PNMA8B: variants seen among roughly 807,000 people sequenced by gnomAD.
The protein encoded by PNMA8B is paraneoplastic antigen-like protein 8B.
For missense variants in PNMA8B, 887 were observed against 885.8 expected (o/e 1.00, Z -0.02); for synonymous variants, 386 against 394.9 (o/e 0.98, Z 0.27).
Position 46,491,512 on chromosome 19 carries a change from C to T in PNMA8B, c.*2046G>A, listed in dbSNP as rs7245589. ...GAGGCTGGGGGGAGAGTGCCTGCAGCTGTGGCCTGGCAGAGTGTATCTGGG... is the reference window on the plus strand; with the variant it reads ...GAGGCTGGGGGGAGAGTGCCTGCAGTTGTGGCCTGGCAGAGTGTATCTGGG... On this transcript the variant is annotated 3_prime_UTR_variant, in exon 1 of 1. Coordinates refer to ENST00000599531, the MANE Select transcript of PNMA8B (RefSeq NM_020709.3). The T allele has an allele frequency of 2.8e-3, 421 of 151,362 alleles. 2 individuals are homozygous for T. Among genetic ancestry groups the T allele is most frequent in the Middle Eastern group, 0.017 (5 of 298 alleles). The allele number at this position is 151,362 out of a possible 1,614,324, so 9.4% of individuals were successfully genotyped here.
chr19:46,494,407 G>T lies in PNMA8B; in HGVS notation c.1059C>A (p.Ile353=), dbSNP rs778803295. 6.2e-7 allele frequency: 1 copy of T among 1,613,578 alleles called. No homozygotes were observed. Among genetic ancestry groups the T allele is most frequent in the African/African-American group, 1.3e-5 (1 of 74,952 alleles). ...DPWAREEMLK[I]ASVIESLGWS... is the part of the protein sequence containing the mutation. ...AGCCCAGCGACTCGATAACAGAAGC[G>T]ATTTTCAACATCTCCTCCCGGGCCC... is the stretch of plus-strand genomic sequence containing the variant. Residue 353 remains isoleucine (I), a synonymous_variant, in exon 1 of 1, where the codon ATC becomes ATA. Transcript: ENST00000599531.
rs771309880 is a variant in PNMA8B at position 46,493,602 on chromosome 19, T to G, written c.1864A>C (p.Lys622Gln). Residue 622 changes from lysine (K) to glutamine (Q), a missense_variant, in exon 1 of 1, where the codon AAG becomes CAG. Physicochemically the swap from Lys to Gln is moderately conservative, Grantham distance 53 (BLOSUM62 1). Coordinates refer to ENST00000599531, the MANE Select transcript of PNMA8B (RefSeq NM_020709.3). This position sits in a 1 kb window ranked among gnomAD's most constrained non-coding sequence, Gnocchi z 5.3. ...APTGSKAARG[K>Q]KARRGRRLPP... Reference sequence around the variant, plus strand: ...AGCCTCCGGCCCCGACGGGCCTTCTTCCCGCGCGCGGCCTTGGATCCAGTG... The same window carrying G: ...AGCCTCCGGCCCCGACGGGCCTTCTGCCCGCGCGCGGCCTTGGATCCAGTG... 6.7e-7 allele frequency: 1 copy of G among 1,491,022 alleles called. No individual in the cohort carries two copies. The highest frequency in any genetic ancestry group is 8.8e-7 in the Non-Finnish European group (1 of 1,131,410). The allele number at this position is 1,491,022 out of a possible 1,614,324, so 92.4% of individuals were successfully genotyped here. A position where few individuals can be genotyped will look rare whatever the true frequency, so the allele number is the denominator to read the frequency against.
chr19:46,492,354 G>T lies in PNMA8B; in HGVS notation c.*1204C>A, dbSNP rs973082391. On this transcript the variant is annotated 3_prime_UTR_variant, in exon 1 of 1. Coordinates refer to ENST00000599531, the MANE Select transcript of PNMA8B (RefSeq NM_020709.3). ...TTGCAGGAGCTGAAGCATACGGCAC[G>T]GCACGGCACAGACTCACATACAACT... is the stretch of plus-strand genomic sequence containing the variant. 7.4e-6 allele frequency: 2 copies of T among 271,102 alleles called. No individual in the cohort carries two copies. The highest frequency in any genetic ancestry group is 4.6e-5 in the Admixed American group (1 of 21,550). 16.8% of individuals were successfully genotyped at this position (271,102 alleles called of 1,614,324 possible). A position where few individuals can be genotyped will look rare whatever the true frequency, so the allele number is the denominator to read the frequency against.
rs1386314179 is a variant in PNMA8B, at chr19:46,492,107, G to A, written c.*1451C>T. On this transcript the variant is annotated 3_prime_UTR_variant, in exon 1 of 1. Coordinates refer to ENST00000599531, the MANE Select transcript of PNMA8B (RefSeq NM_020709.3). ...CTACATCTGGGTGTCCCTGACATAG[G>A]ACTGGGACAGTCTGGTCTGGACTGT... 2.4e-6 allele frequency: 1 copy of A among 422,828 alleles called. No individual in the cohort carries two copies. Among genetic ancestry groups the A allele is most frequent in the South Asian group, 1.7e-5 (1 of 60,082 alleles). 26.2% of individuals were successfully genotyped at this position (422,828 alleles called of 1,614,324 possible).
chr19:46,495,673 G>C lies in PNMA8B; in HGVS notation c.-208C>G, dbSNP rs1970084897. On this transcript the variant is annotated 5_prime_UTR_variant, in exon 1 of 1. Coordinates refer to ENST00000599531, the MANE Select transcript of PNMA8B (RefSeq NM_020709.3). The stretch of plus-strand genomic sequence containing the variant: ...GCTGGACGCAGTGACCTTCCCCCGG[G>C]ACCCCTCTCCAGAGCTGTCTGAGGA... 1.6e-6 allele frequency: 1 copy of C among 620,394 alleles called. No individual in the cohort carries two copies. The highest frequency in any genetic ancestry group is 1.8e-5 in the African/African-American group (1 of 54,226). The allele number at this position is 620,394 out of a possible 1,614,324, so 38.4% of individuals were successfully genotyped here.
chr19:46,495,074 G>A lies in PNMA8B; in HGVS notation c.392C>T (p.Pro131Leu). 1 of 1,612,500 alleles carries A rather than the reference G, an allele frequency of 6.2e-7. No individual in the cohort carries two copies. Among genetic ancestry groups the A allele is most frequent in the Non-Finnish European group, 8.5e-7 (1 of 1,179,802 alleles). The stretch of plus-strand genomic sequence containing the variant: ...ATCCTGGGCCTGCGTCTCCGAAGCG[G>A]GAGGGGTGGGTGCCTCCCCGGGGGT... ...AGTPGEAPTP[P>L]ASETQAQDSG... Residue 131 changes from proline to leucine, a missense_variant, in exon 1 of 1, where the codon CCC (proline) becomes CTC (leucine). Physicochemically the swap from Pro to Leu is moderately conservative, Grantham distance 98 (BLOSUM62 -3). Transcript: ENST00000599531.
chr19:46,494,913 GTCC>G lies in PNMA8B; in HGVS notation c.550_552del (p.Gly184del). On this transcript the variant is annotated inframe_deletion, in exon 1 of 1. Transcript: ENST00000599531. ...TCACTCCTCGCGGGAGCAGACGGCC[GTCC>G]TCCTCGGCTTCTCTTCTTGCCCTTC... 1 of 1,611,458 alleles carries G rather than the reference GTCC, an allele frequency of 6.2e-7. No homozygotes were observed. Among genetic ancestry groups the G allele is most frequent in the Non-Finnish European group, 8.5e-7 (1 of 1,179,884 alleles).
chr19:46,495,056 G>T lies in PNMA8B; in HGVS notation c.410C>A (p.Ala137Asp), dbSNP rs975093022. The part of the protein sequence containing the change: ...APTPPASETQ[A>D]QDSGEVTGQA... The stretch of plus-strand genomic sequence containing the variant: ...CCCTGTTACCTCCCCAGAATCCTGG[G>T]CCTGCGTCTCCGAAGCGGGAGGGGT... The change falls in exon 1 of 1, where the codon GCC (alanine) becomes GAC (aspartate). Residue 137 changes from alanine to aspartate, a missense_variant. Ala to Asp is a moderately radical substitution (Grantham distance 126). Coordinates refer to ENST00000599531, the MANE Select transcript of PNMA8B (RefSeq NM_020709.3). 3.1e-6 allele frequency: 5 copies of T among 1,611,414 alleles called. No homozygotes were observed. Among genetic ancestry groups the T allele is most frequent in the Non-Finnish European group, 3.4e-6 (4 of 1,179,810 alleles).
Position 46,494,495 on chromosome 19 carries a change from G to A in PNMA8B, c.971C>T (p.Thr324Ile). The A allele has an allele frequency of 6.2e-7, 1 of 1,614,052 alleles. No homozygotes were observed. Residue 324 changes from threonine (T) to isoleucine (I), a missense_variant, in exon 1 of 1, where the codon ACA (threonine) becomes ATA (isoleucine). By Grantham distance (89) the Thr-to-Ile change is moderately conservative. Transcript: ENST00000599531. ...SDSQESGDQE[T>I]EELDNPEFVA... ...GAACTCAGGATTATCCAACTCCTCTGTTTCTTGGTCCCCACTTTCCTGCGA... is the reference window on the plus strand; with the variant it reads ...GAACTCAGGATTATCCAACTCCTCTATTTCTTGGTCCCCACTTTCCTGCGA...
Position 46,494,352 on chromosome 19 carries a change from G to A in PNMA8B, c.1114C>T (p.Leu372Phe). 6.2e-7 allele frequency: 1 copy of A among 1,613,242 alleles called. No homozygotes were observed. Among genetic ancestry groups the A allele is most frequent in the Non-Finnish European group, 8.5e-7 (1 of 1,179,902 alleles). ...GACATGACGGACAAGACCTGTCGGAGGGGGTCTCGCTTGTCTTTCTCGTCG... is the reference window on the plus strand; with the variant it reads ...GACATGACGGACAAGACCTGTCGGAAGGGGTCTCGCTTGTCTTTCTCGTCG... The part of the protein sequence containing the change: ...WSDEKDKRDP[L>F]RQVLSVMSKD... The change falls in exon 1 of 1, where the codon CTC (leucine) becomes TTC (phenylalanine). Residue 372 changes from leucine (L) to phenylalanine (F), a missense_variant. Transcript: ENST00000599531.
rs187904708 is a variant in PNMA8B at position 46,493,903 on chromosome 19, C to T, written c.1563G>A (p.Glu521=). The change falls in exon 1 of 1, where the codon GAG becomes GAA. Residue 521 remains glutamate, a synonymous_variant. Coordinates refer to ENST00000599531, the MANE Select transcript of PNMA8B (RefSeq NM_020709.3). This position sits in a 1 kb window ranked among gnomAD's most constrained non-coding sequence, Gnocchi z 5.3. ...ATGCCCTGTCCTCCGGCTCCGACGC[C>T]TCGCTCTCGGTGTCCTCCGACTCCT... ...SEEESEDTES[E]ASEPEDRASR... 0.012 allele frequency: 18,408 copies of T among 1,569,834 alleles called. 125 individuals carry two copies. The highest frequency in any genetic ancestry group is 0.014 in the Non-Finnish European group (16,406 of 1,158,166).
At position 46,493,954 on chromosome 19, in the gene PNMA8B, CTCCGACCCCTCGTTGGACCCCATG is replaced by C. The variant is rs1970048118; in HGVS notation, c.1488_1511del (p.Asn496_Glu504delinsLys). On this transcript the variant is annotated inframe_deletion, in exon 1 of 1. Coordinates refer to ENST00000599531, the MANE Select transcript of PNMA8B (RefSeq NM_020709.3). The surrounding 1 kb of genome is among the most constrained non-coding windows in gnomAD (Gnocchi z 5.3). ...CCTCGGACTGTTCGTCCGAAGCCTC[CTCCGACCCCTCGTTGGACCCCATG>C]TTCTCCCGGGCGGCCAGGAGCGCCA... is the stretch of plus-strand genomic sequence containing the variant. 6.2e-7 allele frequency: 1 copy of C among 1,612,512 alleles called. No homozygotes were observed. Among genetic ancestry groups the C allele is most frequent in the African/African-American group, 1.3e-5 (1 of 75,010 alleles).
At position 46,495,275 on chromosome 19, in the gene PNMA8B, G is replaced by A. The variant is rs753995906; in HGVS notation, c.191C>T (p.Ala64Val). Residue 64 changes from alanine to valine, a missense_variant, in exon 1 of 1, where the codon GCC becomes GTC. Ala to Val is a moderately conservative substitution (Grantham distance 64). Transcript: ENST00000599531. ...GTCCTCCACAAACTCCACCAGGGCG[G>A]CCTGGGCCTTCTCGTTCATCAAAGC... ...MKALMNEKAQ[A>V]ALVEFVEDVN... 2.6e-6 allele frequency: 4 copies of A among 1,512,778 alleles called. No homozygotes were observed. In the Admixed American group the frequency reaches 6.7e-5, roughly 25 times the overall value. 93.7% of individuals were successfully genotyped at this position (1,512,778 alleles called of 1,614,324 possible). A position where few individuals can be genotyped will look rare whatever the true frequency, so the allele number is the denominator to read the frequency against.
In PNMA8B at chr19:46,494,836, G is replaced by C. The variant is rs139093853; in HGVS notation, c.630C>G (p.Asp210Glu). Reference protein sequence around the residue: ...ESLGIVIEEIDQGDLSGEEDQ... With the variant: ...ESLGIVIEEIEQGDLSGEEDQ... ...CCTCTTCTCCGCTCAGGTCGCCCTG[G>C]TCGATCTCCTCGATCACGATGCCCA... Residue 210 changes from aspartate (D) to glutamate (E), a missense_variant, in exon 1 of 1, where the codon GAC (aspartate) becomes GAG (glutamate). Coordinates refer to ENST00000599531, the MANE Select transcript of PNMA8B (RefSeq NM_020709.3). 6.8e-6 allele frequency: 11 copies of C among 1,613,304 alleles called. No individual in the cohort carries two copies. The East Asian group carries it at 8.9e-5, about 13-fold the overall frequency.
At position 46,494,373 on chromosome 19, in the gene PNMA8B, C is replaced by T. The variant is rs766494906; in HGVS notation, c.1093G>A (p.Glu365Lys). The T allele has an allele frequency of 7.4e-6, 12 of 1,613,232 alleles. No homozygotes were observed. The South Asian group carries it at 1.2e-4, about 16-fold the overall frequency. ...CGGAGGGGGTCTCGCTTGTCTTTCTCGTCGCTCCAGCCCAGCGACTCGATA... is the reference window on the plus strand; with the variant it reads ...CGGAGGGGGTCTCGCTTGTCTTTCTTGTCGCTCCAGCCCAGCGACTCGATA... ...SVIESLGWSDEKDKRDPLRQV... is the reference protein window; with the variant it reads ...SVIESLGWSDKKDKRDPLRQV... The change falls in exon 1 of 1, where the codon GAG (glutamate) becomes AAG (lysine). Residue 365 changes from glutamate to lysine, a missense_variant. Coordinates refer to ENST00000599531, the MANE Select transcript of PNMA8B (RefSeq NM_020709.3).
rs765934844 is a variant in PNMA8B at position 46,494,149 on chromosome 19, G to A, written c.1317C>T (p.Ser439=). Residue 439 remains serine, a synonymous_variant, in exon 1 of 1, where the codon AGC becomes AGT. Coordinates refer to ENST00000599531, the MANE Select transcript of PNMA8B (RefSeq NM_020709.3). ...KAGRGLFGGW[S]EHREDEGGLL... The stretch of plus-strand genomic sequence containing the variant: ...GACCCCCTTCGTCCTCACGGTGCTC[G>A]CTCCAGCCCCCGAAGAGGCCACGCC... 1.2e-6 allele frequency: 2 copies of A among 1,610,804 alleles called. No homozygotes were observed. Among genetic ancestry groups the A allele is most frequent in the East Asian group, 2.2e-5 (1 of 44,870 alleles).
chr19:46,491,429 A>C lies in PNMA8B; in HGVS notation c.*2129T>G, dbSNP rs1404847576. 2 of 152,478 alleles carry C rather than the reference A, an allele frequency of 1.3e-5. No homozygotes were observed. The highest frequency in any genetic ancestry group is 4.8e-5 in the African/African-American group (2 of 41,398). The allele number at this position is 152,478 out of a possible 1,614,324, so 9.4% of individuals were successfully genotyped here. The stretch of plus-strand genomic sequence containing the variant: ...GGGGGGACACAGGATGGAGGGAGGC[A>C]GAAAACTCAGGTAGGATGGAAAGCT... On this transcript the variant is annotated 3_prime_UTR_variant, in exon 1 of 1. Transcript: ENST00000599531.
chr19:46,495,239 G>A lies in PNMA8B; in HGVS notation c.227C>T (p.Ala76Val), dbSNP rs1970076627. Residue 76 changes from alanine (A) to valine (V), a missense_variant, in exon 1 of 1, where the codon GCT becomes GTT. Coordinates refer to ENST00000599531, the MANE Select transcript of PNMA8B (RefSeq NM_020709.3). The part of the protein sequence containing the change: ...LVEFVEDVNH[A>V]AIPREIPGKD... ...GCCTGGGATCTCCCTGGGAATGGCA[G>A]CGTGATTGACGTCCTCCACAAACTC... is the stretch of plus-strand genomic sequence containing the variant. 1 of 1,598,316 alleles carries A rather than the reference G, an allele frequency of 6.3e-7. No homozygotes were observed.
rs1314383538 is a variant in PNMA8B at position 46,495,375 on chromosome 19, C to G, written c.91G>C (p.Glu31Gln). ...LLVTGIPEGLEQADVEAVLQP... is the reference protein window; with the variant it reads ...LLVTGIPEGLQQADVEAVLQP... ...AGGACGGCTTCGACGTCTGCCTGCT[C>G]CAGGCCCTCCGGGATGCCGGTGACC... The change falls in exon 1 of 1, where the codon GAG (glutamate) becomes CAG (glutamine). Residue 31 changes from glutamate (E) to glutamine (Q), a missense_variant. Transcript: ENST00000599531. 7.5e-7 allele frequency: 1 copy of G among 1,335,940 alleles called. No individual in the cohort carries two copies. The allele number at this position is 1,335,940 out of a possible 1,614,324, so 82.8% of individuals were successfully genotyped here.
Sources: allele counts gnomAD v4.1 joint callset, GRCh38; gene constraint gnomAD v4.1.1; non-coding constraint Gnocchi (gnomAD v3.1); transcripts MANE v1.5; gene names NCBI Gene and HGNC (gene_info 2026-07-23, HGNC 2026-07-21).